NBPF9: variants seen among roughly 807,000 people sequenced by gnomAD.
NBPF9 encodes the protein NBPF family member NBPF9.
NBPF9 carries 91 observed loss-of-function variants against 97.8 expected under a neutral mutation model. The observed-to-expected ratio is 0.93, with a 90% confidence interval of 0.79 to 1.11. The LOEUF is 1.11. Ranked by LOEUF, NBPF9 falls within the 50% of genes least tolerant of loss-of-function variation. The probability of loss-of-function intolerance (pLI) is 0.00; values close to 1 mark genes in which losing one functional copy is unlikely to be tolerated. For missense variants in NBPF9, 992 were observed against 939.5 expected, an observed-to-expected ratio of 1.06 and a Z score of -0.73; for synonymous variants, 334 against 359.5, an observed-to-expected ratio of 0.93 and a Z score of 0.80.
chr1:149,062,405 T>A lies in NBPF9; in HGVS notation c.2079-140A>T, dbSNP rs1454795081. 9 of 677,216 alleles carry A rather than the reference T, an allele frequency of 1.3e-5. 1 individual carries two copies. The highest frequency in any genetic ancestry group is 2.4e-5 in the Non-Finnish European group (9 of 367,632). 42.0% of individuals were successfully genotyped at this position (677,216 alleles called of 1,614,324 possible). On this transcript the variant is annotated intron_variant, in intron 21 of 29. Transcript: ENST00000584027. Reference sequence around the variant, plus strand: ...ATTAATGAGGTAATGAATTATTGCCTTTAGGTTGGGATAGACCAGGGTCAG... The same window carrying A: ...ATTAATGAGGTAATGAATTATTGCCATTAGGTTGGGATAGACCAGGGTCAG...
intron 5 of NBPF9, among the ~76,000 whole-genome samples, chr1:149,088,129 T>A (rs2081164973): frequency 6.6e-6 from 1 of 152,270 alleles, no homozygotes; most frequent in Non-Finnish European, 1.5e-5. Context: ...CGGTGCCCAG[T>A]CTGTTGAATT....
exon 9 of NBPF9, chr1:149,079,071 G>A (rs1377516836): frequency 7.6e-6 from 11 of 1,443,346 alleles, no homozygotes; most frequent in Middle Eastern, 2.4e-4. Flanking sequence ...GTTCTTGGAG[G>A]TCCTGCCCCT....
intron 5 of NBPF9, among the ~76,000 whole-genome samples, chr1:149,087,570 A>C (rs1372606510): frequency 6.7e-6 from 1 of 149,716 alleles, no homozygotes; most frequent in East Asian, 2.0e-4. Context: ...TTGCTATTTT[A>C]TTATTCTTGA....
chr1:149,100,650 A>G (rs2152927823), intron 3 of NBPF9, among the ~76,000 whole-genome samples: 1 of 152,228 alleles, frequency 6.6e-6, no homozygotes, highest in Non-Finnish European at 1.5e-5. Flanking sequence ...AAAGTGAATC[A>G]CAGCCGGGTG....
intron 5 of NBPF9, among the ~76,000 whole-genome samples, chr1:149,085,154 G>A (rs1483474520): frequency 2.0e-5 from 3 of 152,004 alleles, no homozygotes; most frequent in Admixed American, 1.3e-4. Context: ...CTGGGGGCCA[G>A]GGATAGATGG....
At position 149,061,875 on chromosome 1, in the gene NBPF9, G is replaced by A. The variant is rs587716423; in HGVS notation, c.2251+218C>T. The A allele has an allele frequency of 2.7e-4, 112 of 413,430 alleles. 19 individuals carry two copies. The Admixed American group carries it at 3.0e-3, about 11-fold the overall frequency. 25.6% of individuals were successfully genotyped at this position (413,430 alleles called of 1,614,324 possible). On this transcript the variant is annotated intron_variant, in intron 22 of 29. Coordinates refer to ENST00000584027, the Ensembl canonical transcript of NBPF9. ...CTGAGAGCGGGCTCAGGTTGCCACAGGCATGGCTGGAGACTAGGAATGGAG... is the reference window on the plus strand; with the variant it reads ...CTGAGAGCGGGCTCAGGTTGCCACAAGCATGGCTGGAGACTAGGAATGGAG...
In NBPF9 at chr1:149,088,553, G is replaced by C. The variant is rs1368204574; in HGVS notation, c.-195+2200C>G. Among the ~76,000 whole-genome samples the C allele has an allele frequency of 2.0e-5, 3 of 152,192 alleles. No individual in the cohort carries two copies. In the East Asian group the frequency reaches 5.8e-4, roughly 29 times the overall value. On this transcript the variant is annotated intron_variant, in intron 5 of 29. Transcript: ENST00000584027. ...TGGGTTCTTCAAATCTGCCATTAATGGGGTTGGAAGTGTTGCCTTCTGTTC... is the reference window on the plus strand; with the variant it reads ...TGGGTTCTTCAAATCTGCCATTAATCGGGTTGGAAGTGTTGCCTTCTGTTC...
At chr1:149,062,726 A>T (rs2078708946) in intron 21 of NBPF9, 136 bp downstream of exon 21, 4 of 750,160 alleles carry the variant, frequency 5.3e-6, no homozygotes, top group Non-Finnish European at 9.8e-6. Flanking sequence ...TACTGCAATG[A>T]AAACCAACAG....
chr1:149,064,127 A>C (rs1469961513), intron 19 of NBPF9, among the ~76,000 whole-genome samples: 3 of 139,032 alleles, frequency 2.2e-5, no homozygotes, highest in African/African-American at 8.5e-5. Flanking sequence ...CACAGTGAAC[A>C]GTGATCATGA....
chr1:149,090,599 T>C lies in NBPF9; in HGVS notation c.-195+154A>G, dbSNP rs1216298546. Among the ~76,000 whole-genome samples the C allele has an allele frequency of 2.0e-5, 3 of 152,164 alleles. No individual in the cohort carries two copies. In the East Asian group the frequency reaches 5.8e-4, roughly 30 times the overall value. On this transcript the variant is annotated intron_variant, in intron 5 of 29. Transcript: ENST00000584027. ...TATTATCTAAAGAATGTTTAGAAAATTGTTCAACAAGGGACATCATCATTT... is the reference window on the plus strand; with the variant it reads ...TATTATCTAAAGAATGTTTAGAAAACTGTTCAACAAGGGACATCATCATTT...
At chr1:149,077,321 T>C in exon 11 of NBPF9, 1 of 1,608,692 alleles carries the variant, frequency 6.2e-7, no homozygotes, top group Admixed American at 1.7e-5. Flanking sequence ...CTTGTGAGGC[T>C]GGTTGGAGTC....
chr1:149,087,317 G>A (rs1485825885), intron 5 of NBPF9, among the ~76,000 whole-genome samples: 1 of 148,048 alleles, frequency 6.8e-6, no homozygotes. Context: ...TCAAAACGGT[G>A]AATATATATA....
At position 149,057,772 on chromosome 1, in the gene NBPF9, G is replaced by C. The variant is rs2078317905; in HGVS notation, c.2811-265C>G. On this transcript the variant is annotated intron_variant, in intron 27 of 29. Coordinates refer to ENST00000584027, the Ensembl canonical transcript of NBPF9. ...ACACACAGAGAGAGAGAGAGAGAGA[G>C]AGAACGAGCTCAGTGAATTGTCCAG... Among the ~76,000 whole-genome samples, 5 of 100,016 alleles carry C rather than the reference G, an allele frequency of 5.0e-5. No homozygotes were observed. The South Asian group carries it at 2.2e-3, about 44-fold the overall frequency. The allele number at this position is 100,016 out of a possible 152,430, so 65.6% of individuals were successfully genotyped here. A position where few individuals can be genotyped will look rare whatever the true frequency, so the allele number is the denominator to read the frequency against.
chr1:149,098,159 G>A (rs1245039693), intron 4 of NBPF9, among the ~76,000 whole-genome samples: 3 of 151,804 alleles, frequency 2.0e-5, no homozygotes, highest in African/African-American at 7.3e-5. Flanking sequence ...AGAGCAAGGA[G>A]TGGGATGCAG....
At chr1:149,079,976 A>C in intron 8 of NBPF9, 77 bp downstream of exon 8, 1 of 1,298,092 alleles carries the variant, frequency 7.7e-7, no homozygotes, top group Non-Finnish European at 1.1e-6. Flanking sequence ...CTTCGTTCTT[A>C]TTTCTCCCCG....
chr1:149,062,236 T>C (rs587676520), exon 22 of NBPF9: 80 of 923,040 alleles, frequency 8.7e-5, no homozygotes, highest in Non-Finnish European at 1.0e-4. Flanking sequence ...GACTTCAGGC[T>C]CTTTCTCATC....
intron 17 of NBPF9, among the ~76,000 whole-genome samples, chr1:149,069,355 A>G (rs1575834516): frequency 6.6e-6 from 1 of 150,668 alleles, no homozygotes; most frequent in East Asian, 2.0e-4. Context: ...AAAGATCAAC[A>G]AGAAAACCCT....
At chr1:149,084,791 T>TG (rs201465053) in intron 5 of NBPF9, among the ~76,000 whole-genome samples, 4 of 143,946 alleles carry the variant, frequency 2.8e-5, no homozygotes, top group Non-Finnish European at 6.1e-5. Context: ...GGGCTGACAC[T>TG]GGGGGGGCCA....
chr1:149,096,155 A>C (rs2081751589), intron 4 of NBPF9, among the ~76,000 whole-genome samples: 1 of 149,342 alleles, frequency 6.7e-6, no homozygotes. Flanking sequence ...TGGAAAGTCA[A>C]AAAGATAGAA....
Sources: allele counts gnomAD v4.1 joint callset (sites outside exome capture counted in the v4.1 genomes callset), GRCh38; gene constraint gnomAD v4.1.1; transcripts MANE v1.5; gene names NCBI Gene and HGNC (gene_info 2026-07-23, HGNC 2026-07-21).